ZNRF2: variants seen among roughly 807,000 people sequenced by gnomAD.
The protein encoded by ZNRF2 is zinc and ring finger 2.
Under a neutral mutation model 20.4 loss-of-function variants are expected in ZNRF2, and 16 were observed. The observed-to-expected ratio is 0.79, with a 90% CI of 0.53 to 1.19. ZNRF2 has a LOEUF of 1.19. Ranked by LOEUF, ZNRF2 falls within the 50% of genes most tolerant of loss-of-function variation. ZNRF2 has a pLI of 0.00. For synonymous variants in ZNRF2, 178 were observed against 144.9 expected (o/e 1.23, Z -1.64); for missense variants, 363 against 332.4 (o/e 1.09, Z -0.72).
At chr7:30,330,511 C>G (rs1043089544) in intron 2 of ZNRF2, among the ~76,000 whole-genome samples, 1 of 152,086 alleles carries the variant, frequency 6.6e-6, no homozygotes, top group South Asian at 2.1e-4. Context: ...GCTGTCAGCA[C>G]CTTGATTCCA....
At position 30,285,761 on chromosome 7, in the gene ZNRF2, G is replaced by C. The variant is rs767733858; in HGVS notation, c.404G>C (p.Ser135Thr). 2.7e-6 allele frequency: 4 copies of C among 1,483,888 alleles called. No homozygotes were observed. Among genetic ancestry groups the C allele is most frequent in the African/African-American group, 1.5e-5 (1 of 67,360 alleles). The allele number at this position is 1,483,888 out of a possible 1,614,324, so 91.9% of individuals were successfully genotyped here. ...GGGRDRPVGG[S>T]PGGPRLVIGS... ...GGCCGGGACCGGCCGGTGGGCGGGA[G>C]CCCCGGCGGGCCGCGCCTGGTGATC... The change falls in exon 1 of 5, where the codon AGC becomes ACC. Residue 135 changes from serine to threonine, a missense_variant. This residue lies in a region of ZNRF2 where 302 missense variants were observed against 231.5 expected (regional missense o/e 1.30). Transcript: ENST00000323037.
chr7:30,339,837 C>T (rs1008636736), intron 2 of ZNRF2, among the ~76,000 whole-genome samples: 1 of 152,034 alleles, frequency 6.6e-6, no homozygotes, highest in Non-Finnish European at 1.5e-5. Flanking sequence ...AGCATTGACT[C>T]TATAAATTAC....
intron 2 of ZNRF2, among the ~76,000 whole-genome samples, chr7:30,325,628 GTC>G (rs1466338518): frequency 6.6e-6 from 1 of 152,176 alleles, no homozygotes; most frequent in African/African-American, 2.4e-5. Flanking sequence ...CTAAGAATCA[GTC>G]TCTCAATTCT....
At chr7:30,294,671 T>G (rs1798978659) in intron 1 of ZNRF2, among the ~76,000 whole-genome samples, 1 of 151,776 alleles carries the variant, frequency 6.6e-6, no homozygotes, top group Non-Finnish European at 1.5e-5. Flanking sequence ...TAATCCCAGC[T>G]TACTAGGGGG....
At chr7:30,304,184 C>T (rs1799164238) in intron 1 of ZNRF2, among the ~76,000 whole-genome samples, 2 of 152,148 alleles carry the variant, frequency 1.3e-5, no homozygotes, top group African/African-American at 4.8e-5. Context: ...GTCTCCTCTC[C>T]TTTTCTGGCC....
At chr7:30,292,212 T>G (rs1389365550) in intron 1 of ZNRF2, among the ~76,000 whole-genome samples, 2 of 152,260 alleles carry the variant, frequency 1.3e-5, no homozygotes, top group Admixed American at 6.5e-5. Flanking sequence ...GATGTTGAAG[T>G]GTTCTTGTTA....
chr7:30,298,944 A>G (rs1289469634), intron 1 of ZNRF2, among the ~76,000 whole-genome samples: 1 of 152,210 alleles, frequency 6.6e-6, no homozygotes, highest in Non-Finnish European at 1.5e-5. Context: ...TTTTCTTTCC[A>G]GAGTCTAAAG....
chr7:30,285,114 C>A lies in ZNRF2; in HGVS notation c.-244C>A, dbSNP rs747762834. The A allele has an allele frequency of 1.4e-5, 6 of 417,488 alleles. No individual in the cohort carries two copies. The highest frequency in any genetic ancestry group is 2.3e-5 in the Non-Finnish European group (5 of 213,232). The allele number at this position is 417,488 out of a possible 1,614,324, so 25.9% of individuals were successfully genotyped here. ...AGCGAGGGGTGCCTGCAGCCGGGAC[C>A]CCTTCCTCTCCGCGTCTCCTCGTCT... On this transcript the variant is annotated 5_prime_UTR_variant, in exon 1 of 5. Transcript: ENST00000323037.
chr7:30,291,776 A>G (rs1583563789), intron 1 of ZNRF2, among the ~76,000 whole-genome samples: 1 of 152,214 alleles, frequency 6.6e-6, no homozygotes, highest in African/African-American at 2.4e-5. Flanking sequence ...TCAATTTGCA[A>G]GTTATAAATG....
Position 30,293,610 on chromosome 7 carries a change from G to T in ZNRF2, c.469+7784G>T, listed in dbSNP as rs564189946. 1.2e-4 allele frequency among the ~76,000 whole-genome samples: 19 copies of T among 152,288 alleles called. No individual in the cohort carries two copies. In the South Asian group the frequency reaches 1.7e-3, roughly 13 times the overall value. ...AAGATACACTTTTGTTCAAGGCATT[G>T]GATCTTTATTGCCAAATTGCTCATT... On this transcript the variant is annotated intron_variant, in intron 1 of 4. Transcript: ENST00000323037.
At chr7:30,326,056 A>G (rs755989979) in intron 2 of ZNRF2, among the ~76,000 whole-genome samples, 2 of 152,182 alleles carry the variant, frequency 1.3e-5, no homozygotes, top group East Asian at 3.8e-4. Context: ...ATATATTTAC[A>G]CACAGTCTTA....
At chr7:30,308,990 C>T (rs1799250894) in intron 1 of ZNRF2, among the ~76,000 whole-genome samples, 1 of 152,108 alleles carries the variant, frequency 6.6e-6, no homozygotes, top group Admixed American at 6.6e-5. Context: ...TCATTTATCT[C>T]TTTTCTCTGA....
At chr7:30,330,312 C>A (rs891463025) in intron 2 of ZNRF2, among the ~76,000 whole-genome samples, 2 of 152,124 alleles carry the variant, frequency 1.3e-5, no homozygotes, top group African/African-American at 4.8e-5. Flanking sequence ...GAAAGAAGAA[C>A]AACTCTATGG....
chr7:30,304,538 T>A (rs918722910), intron 1 of ZNRF2, among the ~76,000 whole-genome samples: 5 of 152,160 alleles, frequency 3.3e-5, no homozygotes, highest in Non-Finnish European at 7.3e-5. Context: ...CAAAAACCAT[T>A]GTGATGTTGA....
At chr7:30,336,147 A>G (rs948827957) in intron 2 of ZNRF2, among the ~76,000 whole-genome samples, 1 of 152,220 alleles carries the variant, frequency 6.6e-6, no homozygotes, top group Non-Finnish European at 1.5e-5. Context: ...TGTTGAGTTC[A>G]GCAAACATTT....
chr7:30,290,128 A>C (rs192414889), intron 1 of ZNRF2, among the ~76,000 whole-genome samples: 7 of 152,200 alleles, frequency 4.6e-5, no homozygotes, highest in Non-Finnish European at 7.3e-5. Flanking sequence ...CCTAAGTTTT[A>C]TGTGAATATT....
At chr7:30,346,582 A>AT (rs1799883520) in intron 2 of ZNRF2, among the ~76,000 whole-genome samples, 1 of 151,744 alleles carries the variant, frequency 6.6e-6, no homozygotes. Flanking sequence ...TAGTCTTTCC[A>AT]TTTGGAAGCT....
chr7:30,308,769 A>T (rs904798370), intron 1 of ZNRF2, among the ~76,000 whole-genome samples: 1 of 152,096 alleles, frequency 6.6e-6, no homozygotes, highest in African/African-American at 2.4e-5. Context: ...TTATTTTTTT[A>T]AATTAGAATT....
intron 2 of ZNRF2, among the ~76,000 whole-genome samples, chr7:30,354,027 A>G (rs1799998713): frequency 6.6e-6 from 1 of 151,950 alleles, no homozygotes; most frequent in African/African-American, 2.4e-5. Flanking sequence ...TTCACGTTAA[A>G]CTTGTTCCCT....
Sources: allele counts gnomAD v4.1 joint callset (sites outside exome capture counted in the v4.1 genomes callset), GRCh38; gene constraint gnomAD v4.1.1; regional missense constraint gnomAD v4.1.1; transcripts MANE v1.5; gene names NCBI Gene and HGNC (gene_info 2026-07-23, HGNC 2026-07-21).